CCDC30: variants seen among roughly 807,000 people sequenced by gnomAD.
The protein encoded by CCDC30 is coiled-coil domain-containing protein 30.
CCDC30 carries 70 observed loss-of-function variants against 100.2 expected under a neutral mutation model. That is an observed-to-expected ratio of 0.70 (90% CI 0.58 to 0.85). The LOEUF (loss-of-function observed/expected upper bound fraction) is 0.85. Ranked by LOEUF, CCDC30 falls within the 40% of genes least tolerant of loss-of-function variation. The probability of loss-of-function intolerance (pLI) is 0.00; values close to 1 mark genes in which losing one functional copy is unlikely to be tolerated. For missense variants in CCDC30, 652 were observed against 771.2 expected (o/e 0.85, Z 1.83); for synonymous variants, 233 against 269.5 (o/e 0.86, Z 1.33).
At chr1:42,621,478 G>A (rs1413916444) in intron 11 of CCDC30, among the ~76,000 whole-genome samples, 1 of 145,058 alleles carries the variant, frequency 6.9e-6, no homozygotes, top group African/African-American at 2.5e-5. Flanking sequence ...ACCACACCTG[G>A]CTAATTTTGT....
chr1:42,493,970 T>G (rs1644187612), intron 4 of CCDC30, among the ~76,000 whole-genome samples: 1 of 152,158 alleles, frequency 6.6e-6, no homozygotes, highest in South Asian at 2.1e-4. Context: ...TCCCAGCACT[T>G]TGGGAGGCCA....
At chr1:42,550,778 C>A (rs1390054317) in intron 6 of CCDC30, among the ~76,000 whole-genome samples, 1 of 152,188 alleles carries the variant, frequency 6.6e-6, no homozygotes, top group Non-Finnish European at 1.5e-5. Flanking sequence ...AGGGCACAGA[C>A]CTGGCTGTGT....
chr1:42,656,919 A>C (rs1648683991), downstream of CCDC30, among the ~76,000 whole-genome samples: 1 of 152,202 alleles, frequency 6.6e-6, no homozygotes, highest in African/African-American at 2.4e-5. Context: ...GATATTATCA[A>C]TTTTAAAGAT....
At chr1:42,465,358 T>G (rs1016993812) in intron 1 of CCDC30, among the ~76,000 whole-genome samples, 2 of 150,384 alleles carry the variant, frequency 1.3e-5, no homozygotes, top group African/African-American at 5.0e-5. Flanking sequence ...TTTGTTTTTG[T>G]TTTTGTTTTG....
intron 11 of CCDC30, among the ~76,000 whole-genome samples, chr1:42,636,965 C>CA (rs1166253995): frequency 0.2 from 5,840 of 29,434 alleles, 1,534 homozygotes; most frequent in Non-Finnish European, 0.23. Flanking sequence ...GACTCCATCT[C>CA]AAAAAAAAAA....
intron 6 of CCDC30, among the ~76,000 whole-genome samples, chr1:42,499,970 A>C (rs1644284263): frequency 6.6e-6 from 1 of 152,122 alleles, no homozygotes; most frequent in Non-Finnish European, 1.5e-5. Flanking sequence ...TCTACCCCAG[A>C]AGGTTGTTCC....
exon 10 of CCDC30, chr1:42,589,370 T>C (rs1441492840): frequency 5.6e-6 from 9 of 1,613,650 alleles, no homozygotes; most frequent in Non-Finnish European, 7.6e-6. Context: ...AGTGAGAACC[T>C]TACAAGATAA....
chr1:42,473,783 A>T (rs1643840985), intron 1 of CCDC30, among the ~76,000 whole-genome samples: 1 of 152,214 alleles, frequency 6.6e-6, no homozygotes, highest in African/African-American at 2.4e-5. Flanking sequence ...GTATTCTCTT[A>T]CAGGCACATT....
At chr1:42,638,780 G>A (rs1647214532) in intron 12 of CCDC30, among the ~76,000 whole-genome samples, 1 of 152,090 alleles carries the variant, frequency 6.6e-6, no homozygotes, top group Non-Finnish European at 1.5e-5. Flanking sequence ...GGAGACTGAG[G>A]CAAGAGAATC....
At chr1:42,516,689 A>G (rs1644560408) in intron 6 of CCDC30, among the ~76,000 whole-genome samples, 1 of 151,914 alleles carries the variant, frequency 6.6e-6, no homozygotes, top group Admixed American at 6.6e-5. Flanking sequence ...AAGCTGAAAT[A>G]GCATAAGGCC....
rs117184070 is a variant in CCDC30 at position 42,509,887 on chromosome 1, G to A, written c.456+10971G>A. ...AAGCCCACTGGTTAAAAAAAAAACC[G>A]TAAAACTTTTACCCTTTTGCCAGTA... On this transcript the variant is annotated intron_variant, in intron 6 of 16. Coordinates refer to ENST00000668663, the Ensembl canonical transcript of CCDC30. Among the ~76,000 whole-genome samples, 35 of 152,024 alleles carry A rather than the reference G, an allele frequency of 2.3e-4. No individual in the cohort carries two copies. The East Asian group carries it at 5.2e-3, about 23-fold the overall frequency.
chr1:42,531,543 T>A (rs1273189595), intron 6 of CCDC30, among the ~76,000 whole-genome samples: 1 of 152,074 alleles, frequency 6.6e-6, no homozygotes, highest in African/African-American at 2.4e-5. Flanking sequence ...GGTAGATCAC[T>A]TGAGTCCAGG....
intron 7 of CCDC30, among the ~76,000 whole-genome samples, chr1:42,571,649 A>C (rs908238257): frequency 6.6e-6 from 1 of 152,240 alleles, no homozygotes; most frequent in East Asian, 1.9e-4. Context: ...GTTGACCTAC[A>C]TTGATCCACC....
chr1:42,615,772 A>G (rs1049482131), intron 11 of CCDC30, among the ~76,000 whole-genome samples: 8 of 152,116 alleles, frequency 5.3e-5, no homozygotes, highest in Admixed American at 3.9e-4. Flanking sequence ...GCTGTCCAGA[A>G]CCCAGCATGT....
At chr1:42,475,373 T>A (rs1045407261) in intron 1 of CCDC30, among the ~76,000 whole-genome samples, 1 of 152,194 alleles carries the variant, frequency 6.6e-6, no homozygotes, top group African/African-American at 2.4e-5. Context: ...TGGAAAATTA[T>A]GCAAACTGTA....
At chr1:42,576,875 C>T in intron 7 of CCDC30, 145 bp from the exon 12 acceptor site, 1 of 619,688 alleles carries the variant, frequency 1.6e-6, no homozygotes, top group Non-Finnish European at 2.8e-6. Context: ...GAAACTCTTA[C>T]ATGGCAGCTC....
At chr1:42,611,022 A>G (rs1240768699) in exon 11 of CCDC30, 8 of 1,613,062 alleles carry the variant, frequency 5.0e-6, no homozygotes, top group Non-Finnish European at 6.8e-6. Flanking sequence ...TATCTAAGCT[A>G]CAGCAAGAGA....
chr1:42,651,542 A>G (rs960958442), intron 15 of CCDC30, among the ~76,000 whole-genome samples: 1 of 152,062 alleles, frequency 6.6e-6, no homozygotes. Context: ...ATCACCTCAC[A>G]CCTGTCAAAA....
At chr1:42,545,481 T>A (rs1166089458) in intron 6 of CCDC30, 22 of 1,605,482 alleles carry the variant, frequency 1.4e-5, no homozygotes, top group Non-Finnish European at 1.9e-5. Flanking sequence ...CACCTTCTAA[T>A]TTAATTACAA....
Sources: allele counts gnomAD v4.1 joint callset (sites outside exome capture counted in the v4.1 genomes callset), GRCh38; gene constraint gnomAD v4.1.1; transcripts MANE v1.5; gene names NCBI Gene and HGNC (gene_info 2026-07-23, HGNC 2026-07-21).